The following RBFOX1 variants were observed in gnomAD, a reference collection of about 807,000 sequenced individuals.
RBFOX1 encodes the protein RNA binding fox-1 homolog 1, also known as RNA binding protein fox-1 homolog 1.
A neutral mutation model predicts 57.7 loss-of-function variants in RBFOX1; 8 were observed. That is an observed-to-expected ratio of 0.14 (90% CI 0.08 to 0.25). The LOEUF (loss-of-function observed/expected upper bound fraction) is 0.25, where lower values mean the gene tolerates loss of function less well. Ranked by LOEUF, RBFOX1 falls within the 10% of genes least tolerant of loss-of-function variation. The pLI is 1.00. For missense variants in RBFOX1, 611 were observed against 548.5 expected, an observed-to-expected ratio of 1.11 and a Z score of -1.14; for synonymous variants, 326 against 222.4, an observed-to-expected ratio of 1.47 and a Z score of -4.15.
chr16:6,353,616 T>C (rs936340789), intron 2 of RBFOX1, among the ~76,000 whole-genome samples: 3 of 152,116 alleles, frequency 2.0e-5, no homozygotes, highest in African/African-American at 7.2e-5. Context: ...CAAAGACTTA[T>C]CTAAGATTCC....
chr16:6,967,126 C>A (rs999007649), intron 3 of RBFOX1, among the ~76,000 whole-genome samples: 1 of 152,152 alleles, frequency 6.6e-6, no homozygotes, highest in Non-Finnish European at 1.5e-5. Flanking sequence ...CATTACTTAT[C>A]TATTTAAACA....
intron 4 of RBFOX1, among the ~76,000 whole-genome samples, chr16:7,420,934 T>TAC (rs1484787232): frequency 6.9e-6 from 1 of 145,306 alleles, no homozygotes; most frequent in East Asian, 2.0e-4. Flanking sequence ...TACACATATA[T>TAC]ATATACACAC....
intron 3 of RBFOX1, among the ~76,000 whole-genome samples, chr16:7,044,082 A>G (rs1267992177): frequency 6.6e-6 from 1 of 152,138 alleles, no homozygotes; most frequent in African/African-American, 2.4e-5. Context: ...CACCTAGACA[A>G]TAGCTCCAGT....
intron 3 of RBFOX1, among the ~76,000 whole-genome samples, chr16:6,946,460 G>A (rs778805552): frequency 3.3e-5 from 5 of 152,188 alleles, no homozygotes; most frequent in African/African-American, 4.8e-5. Flanking sequence ...ATGGTAACTG[G>A]CTTGGTAATG....
At chr16:5,800,836 T>C (rs1027726190) in intron 3 of RBFOX1, among the ~76,000 whole-genome samples, 9 of 152,066 alleles carry the variant, frequency 5.9e-5, no homozygotes, top group Admixed American at 1.3e-4. Flanking sequence ...GACAAGCCTC[T>C]CTGTTTGAAT....
intron 4 of RBFOX1, among the ~76,000 whole-genome samples, chr16:7,062,689 G>T (rs1174403026): frequency 6.6e-6 from 1 of 152,074 alleles, no homozygotes; most frequent in Non-Finnish European, 1.5e-5. Flanking sequence ...ATTGAGTAGG[G>T]TAATGCTAAA....
chr16:7,332,915 G>C, intron 4 of RBFOX1: 1 of 1,597,136 alleles, frequency 6.3e-7, no homozygotes, highest in Non-Finnish European at 8.5e-7. Flanking sequence ...CAGCTTTGTA[G>C]TTCGGAAGAA....
chr16:6,863,998 TTTTTTTG>T (rs2059475692), intron 3 of RBFOX1, among the ~76,000 whole-genome samples: 1 of 151,078 alleles, frequency 6.6e-6, no homozygotes, highest in African/African-American at 2.4e-5. Context: ...CCTTTTTTTT[TTTTTTTG>T]TTGAGATTAT....
intron 4 of RBFOX1, among the ~76,000 whole-genome samples, chr16:7,464,664 C>A (rs1053911193): frequency 1.3e-5 from 2 of 150,720 alleles, no homozygotes; most frequent in Non-Finnish European, 2.9e-5. Flanking sequence ...CCTCCCCGCC[C>A]GAAATACTTC....
intron 4 of RBFOX1, among the ~76,000 whole-genome samples, chr16:7,076,099 T>TG (rs1459193641): frequency 5.3e-5 from 8 of 151,196 alleles, no homozygotes; most frequent in Non-Finnish European, 1.5e-5. Context: ...TGGACTGCCA[T>TG]GGCGCGATCT....
At chr16:6,884,980 T>C (rs970893889) in intron 3 of RBFOX1, among the ~76,000 whole-genome samples, 10 of 152,332 alleles carry the variant, frequency 6.6e-5, no homozygotes, top group Admixed American at 3.9e-4. Context: ...ATCTATCTTA[T>C]TCTAAAGCTT....
intron 4 of RBFOX1, among the ~76,000 whole-genome samples, chr16:7,293,600 G>C (rs764337399): frequency 6.6e-6 from 1 of 152,148 alleles, no homozygotes; most frequent in Non-Finnish European, 1.5e-5. Context: ...GGCCAGATGA[G>C]GTTGTGAGAA....
intron 3 of RBFOX1, among the ~76,000 whole-genome samples, chr16:7,011,676 G>T (rs1177352574): frequency 1.3e-5 from 2 of 152,118 alleles, no homozygotes; most frequent in Non-Finnish European, 2.9e-5. Context: ...ACCATGCTCG[G>T]CTAATTTTTT....
chr16:6,293,895 C>T lies in RBFOX1; in HGVS notation c.-126-23100C>T, dbSNP rs56072441. On this transcript the variant is annotated intron_variant, in intron 1 of 15. Transcript: ENST00000550418. Reference sequence around the variant, plus strand: ...CACCATCTCAGAATTCCAGGGTGAGCGGGGGGGTGGTGGAAATAGACGAAT... The same window carrying T: ...CACCATCTCAGAATTCCAGGGTGAGTGGGGGGGTGGTGGAAATAGACGAAT... Among the ~76,000 whole-genome samples the T allele has an allele frequency of 0.012, 19 of 1,610 alleles. No individual in the cohort carries two copies. In the East Asian group the frequency reaches 0.37, roughly 31 times the overall value. 1.1% of individuals were successfully genotyped at this position (1,610 alleles called of 152,430 possible).
chr16:6,308,889 C>CTA (rs1567903388), intron 1 of RBFOX1, among the ~76,000 whole-genome samples: 1 of 152,078 alleles, frequency 6.6e-6, no homozygotes, highest in African/African-American at 2.4e-5. Flanking sequence ...GTAGCTGTCT[C>CTA]CCCCTGCCAC....
intron 4 of RBFOX1, among the ~76,000 whole-genome samples, chr16:7,339,103 T>C (rs990090520): frequency 1.6e-4 from 24 of 152,168 alleles, no homozygotes; most frequent in African/African-American, 3.1e-4. Flanking sequence ...CAGGTTGATA[T>C]ATAGGCTCTG....
chr16:7,391,698 T>G (rs1208721572), intron 4 of RBFOX1, among the ~76,000 whole-genome samples: 1 of 152,258 alleles, frequency 6.6e-6, no homozygotes, highest in Non-Finnish European at 1.5e-5. Context: ...GTAAAGGCCA[T>G]GCAGATGAGG....
At chr16:5,971,393 T>C (rs1024042461) in intron 4 of RBFOX1, among the ~76,000 whole-genome samples, 1 of 152,280 alleles carries the variant, frequency 6.6e-6, no homozygotes, top group African/African-American at 2.4e-5. Flanking sequence ...ATATGCTGGG[T>C]GTGGGGACCA....
At chr16:6,976,969 T>C (rs9937588) in intron 3 of RBFOX1, among the ~76,000 whole-genome samples, 146,512 of 146,714 alleles carry the variant, frequency 1, 73,156 homozygotes, top group East Asian at 1. Context: ...TTAAATATCC[T>C]ATATCACATA....
Sources: allele counts gnomAD v4.1 joint callset (sites outside exome capture counted in the v4.1 genomes callset), GRCh38; gene constraint gnomAD v4.1.1; transcripts MANE v1.5; gene names NCBI Gene and HGNC (gene_info 2026-07-23, HGNC 2026-07-21).